CTNNA1: variants seen among roughly 807,000 people sequenced by gnomAD.
CTNNA1 encodes the protein catenin alpha-1.
Under a neutral mutation model 98.4 loss-of-function variants are expected in CTNNA1, and 37 were observed. That is an observed-to-expected ratio of 0.38 (90% CI 0.29 to 0.49). CTNNA1 has a LOEUF of 0.49. CTNNA1 is among the 20% of genes least tolerant of loss of function. The probability of loss-of-function intolerance (pLI) is 0.95; values close to 1 mark genes in which losing one functional copy is unlikely to be tolerated. For missense variants in CTNNA1, 761 were observed against 1,147.2 expected, an observed-to-expected ratio of 0.66 and a Z score of 4.86; for synonymous variants, 404 against 413.2, an observed-to-expected ratio of 0.98 and a Z score of 0.27.
chr5:138,930,866 C>T lies in CTNNA1; in HGVS notation c.2229C>T (p.Ile743=). The part of the protein sequence containing the change: ...KGPLKNTSDV[I]SAAKKIAEAG... ...CACTCAAAAATACATCGGATGTCAT[C>T]AGTGCTGCCAAGAAAATTGCTGAGG... Residue 743 remains isoleucine (I), a synonymous_variant, in exon 16 of 18, where the codon ATC becomes ATT. Transcript: ENST00000302763. 1 of 1,613,690 alleles carries T rather than the reference C, an allele frequency of 6.2e-7. No homozygotes were observed. Among genetic ancestry groups the T allele is most frequent in the Non-Finnish European group, 8.5e-7 (1 of 1,179,586 alleles).
chr5:138,840,268 G>A (rs1227336631), intron 7 of CTNNA1, among the ~76,000 whole-genome samples: 1 of 152,220 alleles, frequency 6.6e-6, no homozygotes, highest in African/African-American at 2.4e-5. Context: ...ATAGCTTTCT[G>A]TGTCTGCTCC....
rs1056819228 is a variant in CTNNA1 at position 138,926,966 on chromosome 5, C to T, written c.1899+1559C>T. 5.3e-5 allele frequency among the ~76,000 whole-genome samples: 8 copies of T among 152,348 alleles called. No homozygotes were observed. In the East Asian group the frequency reaches 5.8e-4, roughly 11 times the overall value. ...GATAGTGACTCCGTCTTCCCTTGCTCGGGCCCAGACCTCGAATCTTTTATT... is the reference window on the plus strand; with the variant it reads ...GATAGTGACTCCGTCTTCCCTTGCTTGGGCCCAGACCTCGAATCTTTTATT... On this transcript the variant is annotated intron_variant, in intron 13 of 17. Transcript: ENST00000302763.
intron 3 of CTNNA1, among the ~76,000 whole-genome samples, chr5:138,802,470 G>A (rs1217140997): frequency 2.0e-5 from 3 of 151,948 alleles, no homozygotes; most frequent in Non-Finnish European, 4.4e-5. Flanking sequence ...TCACATGCCT[G>A]GCTGACAAAA....
rs1762138459 is a variant in CTNNA1 at position 138,917,896 on chromosome 5, C to G, written c.1544C>G (p.Ser515Ter). The change falls in exon 11 of 18, where the codon TCA becomes TGA. Residue 515 changes from serine (S) to a stop codon, truncating the protein, a stop_gained and splice_region_variant. Coordinates refer to ENST00000302763, the MANE Select transcript of CTNNA1 (RefSeq NM_001903.5). LOFTEE classifies it high-confidence loss of function. ...ITSIDDFLAV[S>*]ENHILEDVNK... ...TCCATTGATGACTTCTTGGCTGTCT[C>G]AGGTAATGAGCTGGTTCCCCAGAGA... 1 of 1,613,872 alleles carries G rather than the reference C, an allele frequency of 6.2e-7. No homozygotes were observed. Among genetic ancestry groups the G allele is most frequent in the Non-Finnish European group, 8.5e-7 (1 of 1,179,818 alleles).
chr5:138,856,597 C>G (rs1353102801), intron 7 of CTNNA1, among the ~76,000 whole-genome samples: 1 of 152,182 alleles, frequency 6.6e-6, no homozygotes, highest in African/African-American at 2.4e-5. Flanking sequence ...CTGTGTTGGA[C>G]TCCCAAAGGG....
intron 14 of CTNNA1, among the ~76,000 whole-genome samples, 167 bp downstream of exon 14, chr5:138,929,523 G>A (rs1256626447): frequency 6.6e-6 from 1 of 152,180 alleles, no homozygotes; most frequent in Non-Finnish European, 1.5e-5. Flanking sequence ...CTAGTCAAAT[G>A]TAGCCTCCTC....
At chr5:138,924,332 A>G (rs1763558092) in intron 11 of CTNNA1, among the ~76,000 whole-genome samples, 178 bp from the exon 12 acceptor site, 1 of 149,176 alleles carries the variant, frequency 6.7e-6, no homozygotes, top group African/African-American at 2.5e-5. Flanking sequence ...CTTGGGGGTG[A>G]TAACAGGTTT....
At chr5:138,901,820 C>T (rs183502628) in intron 9 of CTNNA1, among the ~76,000 whole-genome samples, 1 of 152,308 alleles carries the variant, frequency 6.6e-6, no homozygotes, top group Non-Finnish European at 1.5e-5. Flanking sequence ...CTCCTCTCCT[C>T]GCCCTCTCCT....
At chr5:138,780,762 C>T (rs1280919666) in intron 1 of CTNNA1, among the ~76,000 whole-genome samples, 4 of 152,090 alleles carry the variant, frequency 2.6e-5, no homozygotes, top group African/African-American at 4.8e-5. Context: ...GTGATCTGCC[C>T]GCCTTGGCTT....
At chr5:138,840,796 A>G (rs1762207829) in intron 7 of CTNNA1, among the ~76,000 whole-genome samples, 1 of 152,320 alleles carries the variant, frequency 6.6e-6, no homozygotes, top group Non-Finnish European at 1.5e-5. Flanking sequence ...CATTGTGACT[A>G]GGGCAGTTAA....
At chr5:138,759,242 T>G (rs1561492919) in intron 1 of CTNNA1, among the ~76,000 whole-genome samples, 1 of 152,272 alleles carries the variant, frequency 6.6e-6, no homozygotes, top group Non-Finnish European at 1.5e-5. Context: ...CTCTGAAAAT[T>G]GGACTCTTCT....
intron 1 of CTNNA1, among the ~76,000 whole-genome samples, chr5:138,764,868 C>CTCT (rs776961213): frequency 2.4e-5 from 2 of 84,926 alleles, no homozygotes; most frequent in South Asian, 4.8e-4. Context: ...GTATCTCTCT[C>CTCT]TTTTTTTTTT....
intron 1 of CTNNA1, among the ~76,000 whole-genome samples, chr5:138,781,433 GTAGTCACA>G (rs1755097718): frequency 5.9e-5 from 9 of 152,010 alleles, no homozygotes; most frequent in Admixed American, 5.9e-4. Flanking sequence ...GCGGGCCCCT[GTAGTCACA>G]GCCACTTGGG....
chr5:138,868,236 T>C (rs1764987600), intron 7 of CTNNA1, among the ~76,000 whole-genome samples: 1 of 152,190 alleles, frequency 6.6e-6, no homozygotes, highest in South Asian at 2.1e-4. Flanking sequence ...TAATAAAAAT[T>C]TTTGGGAAGT....
intron 7 of CTNNA1, among the ~76,000 whole-genome samples, chr5:138,849,508 TTC>T (rs1279292448): frequency 6.6e-6 from 1 of 152,224 alleles, no homozygotes; most frequent in Non-Finnish European, 1.5e-5. Context: ...TGTTATAACA[TTC>T]TCTGTCTTTA....
At chr5:138,889,707 T>C (rs1249678451) in intron 9 of CTNNA1, among the ~76,000 whole-genome samples, 3 of 142,740 alleles carry the variant, frequency 2.1e-5, no homozygotes, top group Non-Finnish European at 3.0e-5. Context: ...TAACCTCTCT[T>C]CTCTCCACAC....
intron 9 of CTNNA1, among the ~76,000 whole-genome samples, chr5:138,902,940 C>A (rs1265696242): frequency 6.6e-6 from 1 of 151,860 alleles, no homozygotes; most frequent in African/African-American, 2.4e-5. Context: ...TCATATTTTG[C>A]AGTGATTTTT....
chr5:138,757,877 C>T (rs1029595762), intron 1 of CTNNA1, among the ~76,000 whole-genome samples: 3 of 152,164 alleles, frequency 2.0e-5, no homozygotes, highest in Non-Finnish European at 4.4e-5. Context: ...TGGAGGGCCT[C>T]CAATAACAAA....
At chr5:138,776,039 C>CTTTTTTTTTTTT (rs57467422) in intron 1 of CTNNA1, among the ~76,000 whole-genome samples, 12 of 83,878 alleles carry the variant, frequency 1.4e-4, no homozygotes, top group Admixed American at 1.7e-4. Context: ...GGAAATGTTT[C>CTTTTTTTTTTTT]TTTTTTTTTT....
Sources: allele counts gnomAD v4.1 joint callset (sites outside exome capture counted in the v4.1 genomes callset), GRCh38; gene constraint gnomAD v4.1.1; transcripts MANE v1.5; gene names NCBI Gene and HGNC (gene_info 2026-07-23, HGNC 2026-07-21).